The following ADAM18 variants were observed in gnomAD, a reference collection of about 807,000 sequenced individuals.
ADAM18 encodes ADAM metallopeptidase domain 18, also known as disintegrin and metalloproteinase domain-containing protein 18.
In ADAM18, 117 loss-of-function variants were observed where a neutral mutation model predicts 94.4. The observed-to-expected ratio is 1.24, with a 90% CI of 1.07 to 1.45. ADAM18 has a LOEUF of 1.45. ADAM18 is among the 40% of genes most tolerant of loss of function. ADAM18 has a pLI of 0.00. For missense variants in ADAM18, 936 were observed against 880.0 expected, an observed-to-expected ratio of 1.06 and a Z score of -0.81; for synonymous variants, 327 against 291.6, an observed-to-expected ratio of 1.12 and a Z score of -1.24.
At chr8:39,655,881 C>G (rs1317590285) in intron 12 of ADAM18, among the ~76,000 whole-genome samples, 1 of 151,672 alleles carries the variant, frequency 6.6e-6, no homozygotes, top group Non-Finnish European at 1.5e-5. Flanking sequence ...TACAATAATA[C>G]CCAGGAACAT....
At position 39,643,096 on chromosome 8, in the gene ADAM18, G is replaced by A. The variant is rs149584215; in HGVS notation, c.910-2242G>A. ...TTGGCTCTTGGCTTGATTATTGTTG[G>A]TGTATAGGAATACCAGTGATTTTTG... On this transcript the variant is annotated intron_variant, in intron 10 of 19. Transcript: ENST00000265707. Among the ~76,000 whole-genome samples, 18 of 152,152 alleles carry A rather than the reference G, an allele frequency of 1.2e-4. 1 individual carries two copies. Among genetic ancestry groups the A allele is most frequent in the African/African-American group, 2.6e-4 (11 of 41,514 alleles).
At position 39,671,886 on chromosome 8, in the gene ADAM18, G is replaced by A. The variant is rs78660639; in HGVS notation, c.1525+3690G>A. 7.9e-4 allele frequency among the ~76,000 whole-genome samples: 120 copies of A among 152,288 alleles called. 4 individuals carry two copies. In the East Asian group the frequency reaches 0.022, roughly 28 times the overall value. ...TAGCCAGCAGTTACTGCTGGCATCA[G>A]GGAAGTACACAAGGGACTGAGTTCT... On this transcript the variant is annotated intron_variant, in intron 14 of 19. Coordinates refer to ENST00000265707, the MANE Select transcript of ADAM18 (RefSeq NM_014237.3).
chr8:39,665,138 T>C (rs1359724186), intron 13 of ADAM18, among the ~76,000 whole-genome samples: 1 of 152,208 alleles, frequency 6.6e-6, no homozygotes, highest in African/African-American at 2.4e-5. Flanking sequence ...TGATCTGTTT[T>C]CTGAAGCTGT....
chr8:39,608,082 C>T (rs1819145312), intron 3 of ADAM18, among the ~76,000 whole-genome samples: 1 of 151,618 alleles, frequency 6.6e-6, no homozygotes, highest in African/African-American at 2.4e-5. Flanking sequence ...ATAAGTTTTT[C>T]AGGAAAAAAA....
At chr8:39,691,960 A>G (rs1340262762) in intron 16 of ADAM18, among the ~76,000 whole-genome samples, 1 of 151,908 alleles carries the variant, frequency 6.6e-6, no homozygotes, top group Non-Finnish European at 1.5e-5. Flanking sequence ...TTATGTTGTG[A>G]ACGACTTAAA....
At chr8:39,685,621 T>C (rs1195161960) in intron 16 of ADAM18, among the ~76,000 whole-genome samples, 5 of 152,198 alleles carry the variant, frequency 3.3e-5, no homozygotes, top group Non-Finnish European at 7.3e-5. Flanking sequence ...GGTCATATCC[T>C]TGGTGTTCGC....
In ADAM18 at chr8:39,725,563, T is replaced by A. The variant is rs550606411; in HGVS notation, c.2177+1656T>A. Among the ~76,000 whole-genome samples, 23 of 152,288 alleles carry A rather than the reference T, an allele frequency of 1.5e-4. No individual in the cohort carries two copies. In the South Asian group the frequency reaches 4.8e-3, roughly 32 times the overall value. ...TTCTATGAATTTGATTATTTTTGAG[T>A]CCACATATAGTTAAGATCATGCAAC... On this transcript the variant is annotated intron_variant, in intron 19 of 19. Coordinates refer to ENST00000265707, the MANE Select transcript of ADAM18 (RefSeq NM_014237.3).
At chr8:39,668,347 G>T in intron 14 of ADAM18, 151 bp downstream of exon 14, 2 of 708,880 alleles carry the variant, frequency 2.8e-6, no homozygotes, top group South Asian at 2.7e-5. Flanking sequence ...TTTTTTAAGA[G>T]TATCTGAGGT....
At chr8:39,641,385 G>C (rs1820231538) in intron 10 of ADAM18, among the ~76,000 whole-genome samples, 1 of 151,864 alleles carries the variant, frequency 6.6e-6, no homozygotes, top group African/African-American at 2.4e-5. Flanking sequence ...ATGCTGTTTT[G>C]GTTACTGTAG....
chr8:39,657,279 T>C (rs1180738813), intron 12 of ADAM18, among the ~76,000 whole-genome samples: 1 of 152,148 alleles, frequency 6.6e-6, no homozygotes, highest in Non-Finnish European at 1.5e-5. Context: ...TTCCTTTTAT[T>C]GGTTAGTAGT....
intron 2 of ADAM18, among the ~76,000 whole-genome samples, chr8:39,590,777 A>G (rs187745375): frequency 1.1e-3 from 165 of 152,282 alleles, no homozygotes; most frequent in African/African-American, 3.8e-3. Flanking sequence ...AAGTAGACAC[A>G]CCTCCAAAAT....
chr8:39,700,023 G>C (rs1822020221), intron 17 of ADAM18, among the ~76,000 whole-genome samples: 2 of 152,186 alleles, frequency 1.3e-5, no homozygotes, highest in Admixed American at 1.3e-4. Context: ...AAAACAATGT[G>C]AAATGGGGGA....
intron 10 of ADAM18, among the ~76,000 whole-genome samples, chr8:39,640,224 C>T (rs558011212): frequency 6.6e-6 from 1 of 151,996 alleles, no homozygotes; most frequent in Non-Finnish European, 1.5e-5. Flanking sequence ...GTTGTTCCCC[C>T]ATGTGTCCAT....
At chr8:39,605,553 AT>A (rs1203353624) in intron 2 of ADAM18, among the ~76,000 whole-genome samples, 2 of 152,052 alleles carry the variant, frequency 1.3e-5, no homozygotes, top group Non-Finnish European at 2.9e-5. Flanking sequence ...CTGGTTCGTT[AT>A]ATTTTGTGTG....
chr8:39,725,855 T>C (rs979456943), intron 19 of ADAM18, among the ~76,000 whole-genome samples: 1 of 152,180 alleles, frequency 6.6e-6, no homozygotes, highest in African/African-American at 2.4e-5. Context: ...TTCAAGTCCT[T>C]TGAATTCATA....
At chr8:39,697,023 C>A (rs1051270386) in intron 17 of ADAM18, among the ~76,000 whole-genome samples, 1 of 151,394 alleles carries the variant, frequency 6.6e-6, no homozygotes, top group South Asian at 2.1e-4. Flanking sequence ...AAATTTATAT[C>A]TTCTTTAACT....
chr8:39,649,298 T>C (rs1003282953), intron 12 of ADAM18, among the ~76,000 whole-genome samples: 12 of 152,152 alleles, frequency 7.9e-5, no homozygotes, highest in Non-Finnish European at 1.6e-4. Context: ...TGAGGCTGTG[T>C]GTATCTCTAT....
At chr8:39,713,734 A>T (rs935482661) in intron 18 of ADAM18, among the ~76,000 whole-genome samples, 1 of 152,098 alleles carries the variant, frequency 6.6e-6, no homozygotes, top group Non-Finnish European at 1.5e-5. Flanking sequence ...ATCAAAACCA[A>T]AATGAGATAT....
At position 39,611,303 on chromosome 8, in the gene ADAM18, A is replaced by T. The variant is rs1389970077; in HGVS notation, c.522+597A>T. On this transcript the variant is annotated intron_variant, in intron 6 of 19. Transcript: ENST00000265707. The stretch of plus-strand genomic sequence containing the variant: ...TCTTCCTTTGCCTTTGTCTTATGGC[A>T]GTGTGCTTATCATGTTTCTATGAAT... The T allele has an allele frequency of 5.8e-6, 3 of 514,434 alleles. No individual in the cohort carries two copies. In the African/African-American group the frequency reaches 6.3e-5, roughly 11 times the overall value. The allele number at this position is 514,434 out of a possible 1,614,324, so 31.9% of individuals were successfully genotyped here.
Sources: allele counts gnomAD v4.1 joint callset (sites outside exome capture counted in the v4.1 genomes callset), GRCh38; gene constraint gnomAD v4.1.1; transcripts MANE v1.5; gene names NCBI Gene and HGNC (gene_info 2026-07-23, HGNC 2026-07-21).